OR52N1: variants seen among roughly 807,000 people sequenced by gnomAD.
The protein encoded by OR52N1 is olfactory receptor family 52 subfamily N member 1.
Under a neutral mutation model 13.9 loss-of-function variants are expected in OR52N1, and 11 were observed. The ratio of observed to expected loss-of-function variants is 0.79; its 90% CI spans 0.50 to 1.31. The LOEUF is 1.31. Ranked by LOEUF, OR52N1 falls within the 40% of genes most tolerant of loss-of-function variation. OR52N1 has a pLI of 0.00. For missense variants in OR52N1, 414 were observed against 397.7 expected (o/e 1.04, Z -0.35); for synonymous variants, 142 against 143.7 (o/e 0.99, Z 0.08).
At position 5,788,381 on chromosome 11, in the gene OR52N1, C is replaced by T; in HGVS notation, c.436G>A (p.Ala146Thr). ...TILTNSVIAK[A>T]GFLTFLRGVM... ...CCCCTAAGAAAAGTGAGGAACCCAG[C>T]TTTAGCAATGACTGAATTAGTGAGG... The change falls in exon 2 of 2, where the codon GCT (alanine) becomes ACT (threonine). Residue 146 changes from alanine to threonine, a missense_variant. Physicochemically the swap from Ala to Thr is moderately conservative, Grantham distance 58. Transcript: ENST00000641645. 2.5e-6 allele frequency: 4 copies of T among 1,614,008 alleles called. No homozygotes were observed. Among genetic ancestry groups the T allele is most frequent in the Non-Finnish European group, 3.4e-6 (4 of 1,180,000 alleles).
In OR52N1 at chr11:5,788,556, C is replaced by G; in HGVS notation, c.261G>C (p.Leu87Phe). Residue 87 changes from leucine (L) to phenylalanine (F), a missense_variant, in exon 2 of 2, where the codon TTG (leucine) becomes TTC (phenylalanine). Transcript: ENST00000641645. Reference sequence around the variant, plus strand: ...AATCAATCTCCTTGAGATTAAACCACAATATGAAGAGAGTGTTGGGAAGGG... The same window carrying G: ...AATCAATCTCCTTGAGATTAAACCAGAATATGAAGAGAGTGTTGGGAAGGG... ...TSTLPNTLFI[L>F]WFNLKEIDFK... The G allele has an allele frequency of 6.2e-7, 1 of 1,613,778 alleles. No individual in the cohort carries two copies. Among genetic ancestry groups the G allele is most frequent in the East Asian group, 2.2e-5 (1 of 44,856 alleles).
chr11:5,789,059 C>T (rs1018492404), intron 1 of OR52N1, among the ~76,000 whole-genome samples, 199 bp from the exon 2 acceptor site: 1 of 152,152 alleles, frequency 6.6e-6, no homozygotes, highest in Non-Finnish European at 1.5e-5. Flanking sequence ...CTAGTCAGTA[C>T]ATTTGGACCT....
At chr11:5,789,689 A>C (rs1411135303) in intron 1 of OR52N1, among the ~76,000 whole-genome samples, 1 of 152,174 alleles carries the variant, frequency 6.6e-6, no homozygotes, top group South Asian at 2.1e-4. Flanking sequence ...CAGCCATAGA[A>C]TCAAATATTT....
In OR52N1 at chr11:5,788,194, A is replaced by T. The variant is rs774873910; in HGVS notation, c.623T>A (p.Ile208Asn). ...AIYGLIVALL[I>N]GGFDILCITI... is the part of the protein sequence containing the mutation. ...AATGCACAGGATATCAAAGCCCCCA[A>T]TCAGCAGGGCAACTATCAAACCATA... The change falls in exon 2 of 2, where the codon ATT becomes AAT. Residue 208 changes from isoleucine (I) to asparagine (N), a missense_variant. Physicochemically the swap from Ile to Asn is moderately radical, Grantham distance 149 (BLOSUM62 -3). Coordinates refer to ENST00000641645, the MANE Select transcript of OR52N1 (RefSeq NM_001001913.2). The T allele has an allele frequency of 1.2e-6, 2 of 1,613,894 alleles. No individual in the cohort carries two copies. Among genetic ancestry groups the T allele is most frequent in the Non-Finnish European group, 1.7e-6 (2 of 1,179,992 alleles).
rs1162245161 is a variant in OR52N1 at position 5,786,821 on chromosome 11, T to C, written c.*1033A>G. 2.2e-5 allele frequency: 3 copies of C among 139,420 alleles called. 1 individual carries two copies. The highest frequency in any genetic ancestry group is 3.2e-5 in the Non-Finnish European group (2 of 63,338). 8.6% of individuals were successfully genotyped at this position (139,420 alleles called of 1,614,324 possible). On this transcript the variant is annotated 3_prime_UTR_variant, in exon 2 of 2. Transcript: ENST00000641645. ...GTTGTCTTTGTTGTTTTATTATGAT[T>C]TGTATAAATATGCACATATTATTTA...
Position 5,787,907 on chromosome 11 carries a change from C to T in OR52N1, c.910G>A (p.Glu304Lys). 2.6e-6 allele frequency: 4 copies of T among 1,513,470 alleles called. No individual in the cohort carries two copies. Among genetic ancestry groups the T allele is most frequent in the Non-Finnish European group, 2.7e-6 (3 of 1,110,666 alleles). The allele number at this position is 1,513,470 out of a possible 1,614,324, so 93.8% of individuals were successfully genotyped here. The change falls in exon 2 of 2, where the codon GAA (glutamate) becomes AAA (lysine). Residue 304 changes from glutamate to lysine, a missense_variant. By Grantham distance (56) the Glu-to-Lys change is moderately conservative. Coordinates refer to ENST00000641645, the MANE Select transcript of OR52N1 (RefSeq NM_001001913.2). ...TTAAGAAAGAACCTAATGACACTTT[C>T]TCGTACCTGCCTGGTTTTCACCCCA... Reference protein sequence around the residue: ...VYGVKTRQVRESVIRFFLKGK... With the variant: ...VYGVKTRQVRKSVIRFFLKGK...
Position 5,788,239 on chromosome 11 carries a change from T to C in OR52N1, c.578A>G (p.Asn193Ser). 6.2e-7 allele frequency: 1 copy of C among 1,614,040 alleles called. No individual in the cohort carries two copies. Among genetic ancestry groups the C allele is most frequent in the Non-Finnish European group, 8.5e-7 (1 of 1,179,984 alleles). Residue 193 changes from asparagine to serine, a missense_variant, in exon 2 of 2, where the codon AAT (asparagine) becomes AGT (serine). Coordinates refer to ENST00000641645, the MANE Select transcript of OR52N1 (RefSeq NM_001001913.2). ...ACCATAGATGGCGTTAACCCTGACA[T>C]TACCACAAGATATCTTGGCCACAGA... The part of the protein sequence containing the change: ...HMSVAKISCG[N>S]VRVNAIYGLI...
rs12365487 is a variant in OR52N1 at position 5,788,581 on chromosome 11, G to T, written c.236C>A (p.Thr79Asn). 0.12 allele frequency: 194,378 copies of T among 1,613,866 alleles called. 12,956 individuals are homozygous for T. The highest frequency in any genetic ancestry group is 0.23 in the East Asian group (10,275 of 44,846). Reference sequence around the variant, plus strand: ...CAATATGAAGAGAGTGTTGGGAAGGGTGCTGGTGCACATGAGCACATCTGT... The same window carrying T: ...CAATATGAAGAGAGTGTTGGGAAGGTTGCTGGTGCACATGAGCACATCTGT... ...SFTDVLMCTSTLPNTLFILWF... is the reference protein window; with the variant it reads ...SFTDVLMCTSNLPNTLFILWF... The change falls in exon 2 of 2, where the codon ACC becomes AAC. Residue 79 changes from threonine (T) to asparagine (N), a missense_variant. Transcript: ENST00000641645.
At position 5,788,113 on chromosome 11, in the gene OR52N1, G is replaced by T; in HGVS notation, c.704C>A (p.Ala235Asp). The T allele has an allele frequency of 1.2e-6, 2 of 1,614,052 alleles. No individual in the cohort carries two copies. The highest frequency in any genetic ancestry group is 1.7e-6 in the Non-Finnish European group (2 of 1,179,966). The change falls in exon 2 of 2, where the codon GCT becomes GAT. Residue 235 changes from alanine to aspartate, a missense_variant. Ala to Asp is a moderately radical substitution (Grantham distance 126). Coordinates refer to ENST00000641645, the MANE Select transcript of OR52N1 (RefSeq NM_001001913.2). Reference protein sequence around the residue: ...QAVVSLSSADARQKAFSTCTA... With the variant: ...QAVVSLSSADDRQKAFSTCTA... Reference sequence around the variant, plus strand: ...GCAGGTGCTGAAGGCCTTCTGTCGAGCATCTGCTGATGATAGACTCACAAC... The same window carrying T: ...GCAGGTGCTGAAGGCCTTCTGTCGATCATCTGCTGATGATAGACTCACAAC...
chr11:5,788,097 G>A lies in OR52N1; in HGVS notation c.720C>T (p.Phe240=). The A allele has an allele frequency of 6.2e-7, 1 of 1,613,986 alleles. No homozygotes were observed. Among genetic ancestry groups the A allele is most frequent in the Non-Finnish European group, 8.5e-7 (1 of 1,179,930 alleles). ...LSSADARQKA[F]STCTAHFCAI... ...CACAGAAGTGGGCAGTGCAGGTGCT[G>A]AAGGCCTTCTGTCGAGCATCTGCTG... is the stretch of plus-strand genomic sequence containing the variant. The change falls in exon 2 of 2, where the codon TTC becomes TTT. Residue 240 remains phenylalanine, a synonymous_variant. Coordinates refer to ENST00000641645, the MANE Select transcript of OR52N1 (RefSeq NM_001001913.2).
At position 5,787,888 on chromosome 11, in the gene OR52N1, A is replaced by T. The variant is rs1428760662; in HGVS notation, c.929T>A (p.Phe310Tyr). Residue 310 changes from phenylalanine to tyrosine, a missense_variant, in exon 2 of 2, where the codon TTT (phenylalanine) becomes TAT (tyrosine). Phe to Tyr is a conservative substitution (Grantham distance 22). Coordinates refer to ENST00000641645, the MANE Select transcript of OR52N1 (RefSeq NM_001001913.2). The stretch of plus-strand genomic sequence containing the variant: ...ATGAGAATTGTCCTTTCCCTTAAGA[A>T]AGAACCTAATGACACTTTCTCGTAC... ...RQVRESVIRF[F>Y]LKGKDNSHNF 2.6e-5 allele frequency: 39 copies of T among 1,505,920 alleles called. 7 individuals carry two copies. Among genetic ancestry groups the T allele is most frequent in the Non-Finnish European group, 3.4e-5 (38 of 1,108,192 alleles). 93.3% of individuals were successfully genotyped at this position (1,505,920 alleles called of 1,614,324 possible).
Position 5,791,165 on chromosome 11 carries a change from C to G in OR52N1, c.-99G>C, listed in dbSNP as rs1854656449. 6.6e-6 allele frequency: 1 copy of G among 151,992 alleles called. No individual in the cohort carries two copies. Among genetic ancestry groups the G allele is most frequent in the African/African-American group, 2.4e-5 (1 of 41,424 alleles). The allele number at this position is 151,992 out of a possible 1,614,324, so 9.4% of individuals were successfully genotyped here. ...CTGAAGACCTATCCATGGATCAAGT[C>G]ATATTTATGTCTATATGATCCTCTT... On this transcript the variant is annotated 5_prime_UTR_variant, in exon 1 of 2. The change abolishes an upstream ATG in the 5' untranslated region. Coordinates refer to ENST00000641645, the MANE Select transcript of OR52N1 (RefSeq NM_001001913.2).
Position 5,788,017 on chromosome 11 carries a change from C to T in OR52N1, c.800G>A (p.Gly267Glu). ...AFFTFFTHHF[G>E]GHTIPLHIHI... ...TATGTGTAGAGGAATGGTGTGTCCC[C>T]CAAAATGGTGTGTAAAGAAGGTAAA... The change falls in exon 2 of 2, where the codon GGG becomes GAG. Residue 267 changes from glycine to glutamate, a missense_variant. Coordinates refer to ENST00000641645, the MANE Select transcript of OR52N1 (RefSeq NM_001001913.2). 7.7e-7 allele frequency: 1 copy of T among 1,299,292 alleles called. No homozygotes were observed. Among genetic ancestry groups the T allele is most frequent in the African/African-American group, 1.9e-5 (1 of 53,572 alleles). The allele number at this position is 1,299,292 out of a possible 1,614,324, so 80.5% of individuals were successfully genotyped here.
Position 5,788,449 on chromosome 11 carries a change from T to G in OR52N1, c.368A>C (p.Asp123Ala). ...ESGVLMLMAL[D>A]HCVAICFPLR... ...AGGGAAGCAGATGGCCACACAGTGG[T>G]CCAGGGCCATGAGCATGAGCACCCC... Residue 123 changes from aspartate to alanine, a missense_variant, in exon 2 of 2, where the codon GAC (aspartate) becomes GCC (alanine). Coordinates refer to ENST00000641645, the MANE Select transcript of OR52N1 (RefSeq NM_001001913.2). 1 of 1,614,054 alleles carries G rather than the reference T, an allele frequency of 6.2e-7. No individual in the cohort carries two copies. The highest frequency in any genetic ancestry group is 8.5e-7 in the Non-Finnish European group (1 of 1,179,976).
rs1426525267 is a variant in OR52N1, at chr11:5,791,191, G to C, written c.-125C>G. 1 of 152,000 alleles carries C rather than the reference G, an allele frequency of 6.6e-6. No homozygotes were observed. The highest frequency in any genetic ancestry group is 1.5e-5 in the Non-Finnish European group (1 of 67,930). The allele number at this position is 152,000 out of a possible 1,614,324, so 9.4% of individuals were successfully genotyped here. Reference sequence around the variant, plus strand: ...ATATTTATGTCTATATGATCCTCTTGGTCCTGAAGGAGAAATATAATACCT... The same window carrying C: ...ATATTTATGTCTATATGATCCTCTTCGTCCTGAAGGAGAAATATAATACCT... On this transcript the variant is annotated 5_prime_UTR_variant, in exon 1 of 2. Coordinates refer to ENST00000641645, the MANE Select transcript of OR52N1 (RefSeq NM_001001913.2).
rs1272552394 is a variant in OR52N1, at chr11:5,788,621, C to T, written c.196G>A (p.Ala66Thr). 6 of 1,613,810 alleles carry T rather than the reference C, an allele frequency of 3.7e-6. No individual in the cohort carries two copies. The highest frequency in any genetic ancestry group is 3.4e-6 in the Non-Finnish European group (4 of 1,179,970). ...ALHRPMYVFL[A>T]LLSFTDVLMC... The stretch of plus-strand genomic sequence containing the variant: ...AGCACATCTGTGAAGGAAAGAAGGG[C>T]AAGGAAGACATACATAGGTCTGTGT... Residue 66 changes from alanine (A) to threonine (T), a missense_variant, in exon 2 of 2, where the codon GCC becomes ACC. Transcript: ENST00000641645.
chr11:5,788,904 T>C (rs1346128403), intron 1 of OR52N1, 44 bp from the exon 2 acceptor site: 2 of 1,379,150 alleles, frequency 1.5e-6, no homozygotes, highest in African/African-American at 2.9e-5. Context: ...AAGGAGTGAC[T>C]GACCATCAGT....
chr11:5,789,514 A>G (rs936582477), intron 1 of OR52N1, among the ~76,000 whole-genome samples: 1 of 152,164 alleles, frequency 6.6e-6, no homozygotes, highest in Non-Finnish European at 1.5e-5. Flanking sequence ...GGATCATTAA[A>G]AATGCAAGAA....
At chr11:5,789,422 A>AAAT (rs1026195791) in intron 1 of OR52N1, among the ~76,000 whole-genome samples, 7 of 152,036 alleles carry the variant, frequency 4.6e-5, no homozygotes, top group African/African-American at 7.2e-5. Flanking sequence ...AGAGGCAAAT[A>AAAT]AATAATAATA....
Sources: allele counts gnomAD v4.1 joint callset (sites outside exome capture counted in the v4.1 genomes callset), GRCh38; gene constraint gnomAD v4.1.1; transcripts MANE v1.5; gene names NCBI Gene and HGNC (gene_info 2026-07-23, HGNC 2026-07-21).